Variants in MBP observed in about 807,000 individuals in gnomAD.
The protein encoded by MBP is Golli-MBP.
Under a neutral mutation model 35.8 loss-of-function variants are expected in MBP, and 16 were observed. The observed-to-expected ratio is 0.45, with a 90% CI of 0.30 to 0.68. MBP has a LOEUF of 0.68. Among genes scored for constraint, MBP ranks in the 30% least tolerant of loss-of-function variants. MBP has a pLI of 0.08. For synonymous variants in MBP, 143 were observed against 159.6 expected (o/e 0.90, Z 0.78); for missense variants, 380 against 404.7 (o/e 0.94, Z 0.52).
chr18:77,039,833 C>T (rs759679703), intron 3 of MBP, among the ~76,000 whole-genome samples: 9 of 152,184 alleles, frequency 5.9e-5, no homozygotes, highest in African/African-American at 9.7e-5. Flanking sequence ...AGAAGGGAAA[C>T]GCAGGGGTGG....
chr18:77,030,711 T>C (rs1045631904), intron 3 of MBP, among the ~76,000 whole-genome samples: 3 of 152,118 alleles, frequency 2.0e-5, no homozygotes, highest in African/African-American at 7.2e-5. Context: ...AATGGAAAAA[T>C]GTTTAATTAT....
At chr18:77,059,697 T>G (rs1363067934) in intron 3 of MBP, among the ~76,000 whole-genome samples, 1 of 152,188 alleles carries the variant, frequency 6.6e-6, no homozygotes, top group African/African-American at 2.4e-5. Context: ...ATTTGGTATG[T>G]CCACTTCAGT....
chr18:77,005,177 C>T (rs572690368), intron 4 of MBP: 78 of 152,370 alleles, frequency 5.1e-4, no homozygotes, highest in African/African-American at 1.8e-3. Flanking sequence ...CCAGCTTCCT[C>T]ATCCTGGTGA....
chr18:77,052,454 A>G (rs1973528268), intron 3 of MBP, among the ~76,000 whole-genome samples: 1 of 152,082 alleles, frequency 6.6e-6, no homozygotes, highest in Admixed American at 6.5e-5. Flanking sequence ...CCCAGCTGCT[A>G]TTTGTGCCAT....
Position 76,989,855 on chromosome 18 carries a change from G to A in MBP, c.681+101C>T. ...GCCTCACCCTGATGATGACCCCGGT[G>A]CCACCCCCGAGCGTACGAACGTCCT... is the stretch of plus-strand genomic sequence containing the variant. On this transcript the variant is annotated intron_variant, in intron 5 of 8. Transcript: ENST00000355994. The surrounding 1 kb of genome is among the most constrained non-coding windows in gnomAD (Gnocchi z 4.0). 2 of 1,012,488 alleles carry A rather than the reference G, an allele frequency of 2.0e-6. No individual in the cohort carries two copies. Among genetic ancestry groups the A allele is most frequent in the Non-Finnish European group, 3.1e-6 (2 of 654,028 alleles). 62.7% of individuals were successfully genotyped at this position (1,012,488 alleles called of 1,614,324 possible).
At chr18:77,026,129 G>C (rs1972212370) in intron 3 of MBP, among the ~76,000 whole-genome samples, 2 of 152,256 alleles carry the variant, frequency 1.3e-5, no homozygotes, top group African/African-American at 4.8e-5. Flanking sequence ...CAATGCTTCT[G>C]GTCAGGGGGC....
Position 76,988,489 on chromosome 18 carries a change from A to C in MBP, c.750+6T>G. 2 of 1,614,206 alleles carry C rather than the reference A, an allele frequency of 1.2e-6. No individual in the cohort carries two copies. Among genetic ancestry groups the C allele is most frequent in the Non-Finnish European group, 1.7e-6 (2 of 1,180,034 alleles). On this transcript the variant is annotated splice_donor_region_variant and intron_variant, in intron 7 of 8. Transcript: ENST00000355994. This position sits in a 1 kb window ranked among gnomAD's most constrained non-coding sequence, Gnocchi z 5.2. ...GGAAGCCGATGGAAGTGCGTTCGTC[A>C]CCTACCCAGCTAAATCTGCTCAGGG...
rs142091953 is a variant in MBP, at chr18:77,039,090, G to T, written c.140-21822C>A. Among the ~76,000 whole-genome samples, 3 of 152,252 alleles carry T rather than the reference G, an allele frequency of 2.0e-5. No homozygotes were observed. The East Asian group carries it at 5.8e-4, about 29-fold the overall frequency. On this transcript the variant is annotated intron_variant, in intron 3 of 8. Transcript: ENST00000355994. The stretch of plus-strand genomic sequence containing the variant: ...CCATTCAATTTCCAGTGTCCATAAG[G>T]GTTCACTGAAACACAGTCACACTCA...
intron 1 of MBP, among the ~76,000 whole-genome samples, chr18:77,107,575 G>C (rs1340457478): frequency 2.0e-5 from 3 of 152,292 alleles, no homozygotes; most frequent in Admixed American, 2.0e-4. Context: ...AGCTATTTTT[G>C]GGCAAGGGGC....
At chr18:77,112,134 TCAC>T (rs1976478298) in intron 1 of MBP, among the ~76,000 whole-genome samples, 1 of 149,718 alleles carries the variant, frequency 6.7e-6, no homozygotes. Flanking sequence ...GCTACCAACG[TCAC>T]CAAAAACCCG....
chr18:77,054,705 G>C (rs1179736390), intron 3 of MBP, among the ~76,000 whole-genome samples: 1 of 152,222 alleles, frequency 6.6e-6, no homozygotes, highest in Non-Finnish European at 1.5e-5. Context: ...ACCTGGATAA[G>C]GGGAGAGCTC....
chr18:77,059,566 A>T (rs1973882203), intron 3 of MBP, among the ~76,000 whole-genome samples: 1 of 151,862 alleles, frequency 6.6e-6, no homozygotes, highest in Admixed American at 6.6e-5. Flanking sequence ...TATCTAATTA[A>T]TCAAATTTGA....
At chr18:77,047,791 A>G (rs531576401) in intron 3 of MBP, among the ~76,000 whole-genome samples, 3 of 152,270 alleles carry the variant, frequency 2.0e-5, no homozygotes, top group Non-Finnish European at 4.4e-5. Flanking sequence ...AACTGGGAGA[A>G]CTAGAGATAT....
chr18:77,072,142 T>C (rs1314419449), intron 2 of MBP, among the ~76,000 whole-genome samples: 1 of 152,146 alleles, frequency 6.6e-6, no homozygotes, highest in African/African-American at 2.4e-5. Flanking sequence ...CCTGCCGGCG[T>C]ACACACCCCT....
At chr18:76,984,650 A>G in intron 8 of MBP, 125 bp downstream of exon 8, 1 of 1,353,424 alleles carries the variant, frequency 7.4e-7, no homozygotes, top group Non-Finnish European at 1.0e-6. Flanking sequence ...GCCTGCTGGG[A>G]CAGAGCACGT....
At chr18:77,030,566 T>C (rs936099605) in intron 3 of MBP, among the ~76,000 whole-genome samples, 1 of 152,214 alleles carries the variant, frequency 6.6e-6, no homozygotes, top group Non-Finnish European at 1.5e-5. Context: ...AGGAAGTATT[T>C]TCCAAAAATA....
intron 3 of MBP, among the ~76,000 whole-genome samples, chr18:77,029,238 G>A (rs1315446588): frequency 5.5e-5 from 8 of 146,266 alleles, no homozygotes; most frequent in Non-Finnish European, 9.2e-5. Flanking sequence ...GCGAAACCCC[G>A]GCTCCACCAA....
intron 2 of MBP, among the ~76,000 whole-genome samples, chr18:77,074,455 G>C (rs1450235111): frequency 6.6e-6 from 1 of 152,136 alleles, no homozygotes; most frequent in South Asian, 2.1e-4. Context: ...TCACACTTTC[G>C]TAGGATTCTT....
intron 7 of MBP, chr18:76,987,805 T>A (rs905377007): frequency 1.8e-5 from 19 of 1,038,554 alleles, no homozygotes; most frequent in Non-Finnish European, 2.1e-5. Context: ...TTGGTTAGAA[T>A]ATAATGATTG....
Sources: gnomAD v4.1 joint callset for allele counts (sites outside exome capture counted in the v4.1 genomes callset) on GRCh38, gnomAD v4.1.1 for gene constraint, Gnocchi (gnomAD v3.1) non-coding constraint, MANE v1.5 for transcripts, NCBI Gene and HGNC (gene_info 2026-07-23, HGNC 2026-07-21) for gene names.